The following ALDH1A2 variants were observed in gnomAD, a reference collection of about 807,000 sequenced individuals.
ALDH1A2 encodes retinal dehydrogenase 2.
A neutral mutation model predicts 60.3 loss-of-function variants in ALDH1A2; 27 were observed. The observed-to-expected ratio is 0.45, with a 90% CI of 0.33 to 0.62. The LOEUF is 0.62. ALDH1A2 is among the 20% of genes least tolerant of loss of function. ALDH1A2 has a pLI of 0.02. For synonymous variants in ALDH1A2, 289 were observed against 232.4 expected (o/e 1.24, Z -2.21); for missense variants, 581 against 643.8 (o/e 0.90, Z 1.06).
At position 58,013,997 on chromosome 15, in the gene ALDH1A2, G is replaced by A. The variant is rs560518650; in HGVS notation, c.224C>T (p.Ala75Val). 6.2e-7 allele frequency: 1 copy of A among 1,614,064 alleles called. No individual in the cohort carries two copies. Among genetic ancestry groups the A allele is most frequent in the African/African-American group, 1.3e-5 (1 of 75,014 alleles). The change falls in exon 3 of 13, where the codon GCA becomes GTA. Residue 75 changes from alanine (A) to valine (V), a missense_variant and splice_region_variant. Ala to Val is a moderately conservative substitution (Grantham distance 64). This residue lies in a region of ALDH1A2 where 206 missense variants were observed against 174.1 expected (regional missense o/e 1.18). Transcript: ENST00000249750. ...TGCCTGCACTGCTTTGTCTATATCTGCCTGTTAGAGAGGAAGAGGCACAAC... is the reference window on the plus strand; with the variant it reads ...TGCCTGCACTGCTTTGTCTATATCTACCTGTTAGAGAGGAAGAGGCACAAC... ...QVCEVQEADK[A>V]DIDKAVQAAR...
At chr15:58,028,387 G>A (rs1203427165) in intron 1 of ALDH1A2, among the ~76,000 whole-genome samples, 7 of 152,160 alleles carry the variant, frequency 4.6e-5, no homozygotes, top group African/African-American at 1.4e-4. Flanking sequence ...CCTTACAAGA[G>A]CTCCTGAAAG....
Position 58,007,391 on chromosome 15 carries a change from ACTTCATCAGG to A in ALDH1A2, c.493+3248_493+3257del, listed in dbSNP as rs1454290491. ...TATAAAAATCTGCACTGGGGTAAAG[ACTTCATCAGG>A]GCCACCTTCCTGCCTTGCTGAACCA... is the stretch of plus-strand genomic sequence containing the variant. On this transcript the variant is annotated intron_variant, in intron 4 of 12. Coordinates refer to ENST00000249750, the MANE Select transcript of ALDH1A2 (RefSeq NM_003888.4). 2.6e-5 allele frequency among the ~76,000 whole-genome samples: 4 copies of A among 151,988 alleles called. No individual in the cohort carries two copies. In the East Asian group the frequency reaches 7.7e-4, roughly 29 times the overall value.
chr15:58,031,147 G>A (rs751039346), intron 1 of ALDH1A2, among the ~76,000 whole-genome samples: 11 of 152,134 alleles, frequency 7.2e-5, no homozygotes, highest in Non-Finnish European at 1.5e-4. Context: ...AAACAGCCTG[G>A]TACTAGTACC....
intron 12 of ALDH1A2, 28 bp downstream of exon 12, chr15:57,960,742 T>C: frequency 6.3e-7 from 1 of 1,591,542 alleles, no homozygotes; most frequent in South Asian, 1.1e-5. Flanking sequence ...TCTATTTCTC[T>C]GCAGGCATCA....
chr15:57,994,859 T>C (rs1894999634), intron 5 of ALDH1A2, among the ~76,000 whole-genome samples: 2 of 152,156 alleles, frequency 1.3e-5, no homozygotes, highest in Admixed American at 1.3e-4. Context: ...GAGAATTCCA[T>C]GACTTGAGAA....
chr15:58,018,743 A>G (rs1164837592), intron 1 of ALDH1A2, among the ~76,000 whole-genome samples: 1 of 152,176 alleles, frequency 6.6e-6, no homozygotes, highest in Non-Finnish European at 1.5e-5. Context: ...CCCAAAAGGC[A>G]TAACCTAAAT....
chr15:58,035,068 G>A (rs1396738180), intron 1 of ALDH1A2, among the ~76,000 whole-genome samples: 1 of 151,678 alleles, frequency 6.6e-6, no homozygotes, highest in African/African-American at 2.4e-5. Context: ...GAAGTCACCA[G>A]TGAAACCATC....
chr15:58,047,505 CA>C (rs1310843853), intron 1 of ALDH1A2, among the ~76,000 whole-genome samples: 2 of 151,842 alleles, frequency 1.3e-5, no homozygotes, highest in East Asian at 3.9e-4. Context: ...TAAGAACAAC[CA>C]AAAAAATGGC....
At chr15:58,030,919 A>G (rs1595678259) in intron 1 of ALDH1A2, among the ~76,000 whole-genome samples, 1 of 152,186 alleles carries the variant, frequency 6.6e-6, no homozygotes, top group East Asian at 1.9e-4. Flanking sequence ...ATGCTCATGG[A>G]TAGGAAGAAT....
At chr15:58,028,832 T>C (rs1428575172) in intron 1 of ALDH1A2, among the ~76,000 whole-genome samples, 1 of 152,158 alleles carries the variant, frequency 6.6e-6, no homozygotes, top group Non-Finnish European at 1.5e-5. Context: ...TAGGGATCAA[T>C]TCAACAAGAA....
At chr15:57,984,820 C>A (rs1473276770) in intron 7 of ALDH1A2, among the ~76,000 whole-genome samples, 1 of 152,128 alleles carries the variant, frequency 6.6e-6, no homozygotes, top group Non-Finnish European at 1.5e-5. Flanking sequence ...CTGCTGTGAA[C>A]ATTTTTGTAC....
intron 12 of ALDH1A2, among the ~76,000 whole-genome samples, 163 bp from the exon 13 acceptor site, chr15:57,955,432 G>A (rs1489677727): frequency 6.6e-6 from 1 of 152,140 alleles, no homozygotes; most frequent in Non-Finnish European, 1.5e-5. Flanking sequence ...CTTCCTCTGA[G>A]GGTCAGAGAA....
At chr15:57,979,028 A>G (rs1894381888) in intron 7 of ALDH1A2, among the ~76,000 whole-genome samples, 1 of 151,992 alleles carries the variant, frequency 6.6e-6, no homozygotes, top group African/African-American at 2.4e-5. Context: ...ACTACTAAGA[A>G]AAAAACCCTA....
At chr15:58,052,514 G>T (rs1283302299) in intron 1 of ALDH1A2, among the ~76,000 whole-genome samples, 1 of 152,080 alleles carries the variant, frequency 6.6e-6, no homozygotes, top group Non-Finnish European at 1.5e-5. Context: ...CGCCCAGGCT[G>T]CAGTGCAGTG....
intron 1 of ALDH1A2, among the ~76,000 whole-genome samples, chr15:58,044,883 T>C (rs1896600112): frequency 6.6e-6 from 1 of 151,916 alleles, no homozygotes; most frequent in Non-Finnish European, 1.5e-5. Context: ...CTGGTTACAA[T>C]TTCATGGCAA....
intron 1 of ALDH1A2, among the ~76,000 whole-genome samples, chr15:58,020,626 C>T (rs1175233113): frequency 6.6e-6 from 1 of 152,120 alleles, no homozygotes; most frequent in Non-Finnish European, 1.5e-5. Context: ...TTCCTAATCC[C>T]GTCCTCCAGC....
rs765933370 is a variant in ALDH1A2 at position 57,955,297 on chromosome 15, A to G, written c.1485-28T>C. On this transcript the variant is annotated intron_variant, in intron 12 of 12. Transcript: ENST00000249750. ...GAAACACAGAAATGGGCCGGGTCAGATACCAGAAGTCCAGGGAGCTGCATG... is the reference window on the plus strand; with the variant it reads ...GAAACACAGAAATGGGCCGGGTCAGGTACCAGAAGTCCAGGGAGCTGCATG... The G allele has an allele frequency of 5.0e-6, 8 of 1,613,348 alleles. No individual in the cohort carries two copies. The East Asian group carries it at 1.8e-4, about 36-fold the overall frequency.
intron 9 of ALDH1A2, among the ~76,000 whole-genome samples, chr15:57,963,411 C>T (rs1485063979): frequency 6.6e-6 from 1 of 150,594 alleles, no homozygotes; most frequent in Non-Finnish European, 1.5e-5. Flanking sequence ...TGCAGTGGCA[C>T]AGTCTGTAAG....
chr15:57,973,168 C>T (rs920612758), intron 7 of ALDH1A2, among the ~76,000 whole-genome samples: 4 of 152,168 alleles, frequency 2.6e-5, no homozygotes, highest in Non-Finnish European at 5.9e-5. Flanking sequence ...AAAGAAAACA[C>T]TATACCAAGC....
Sources: gnomAD v4.1 joint callset for allele counts (sites outside exome capture counted in the v4.1 genomes callset) on GRCh38, gnomAD v4.1.1 for gene constraint, gnomAD v4.1.1 regional missense constraint, MANE v1.5 for transcripts, NCBI Gene and HGNC (gene_info 2026-07-23, HGNC 2026-07-21) for gene names.